The following PDCD7 variants were observed in gnomAD, a reference collection of about 807,000 sequenced individuals.
The protein encoded by PDCD7 is programmed cell death 7, also known as programmed cell death protein 7.
A neutral mutation model predicts 42.1 loss-of-function variants in PDCD7; 40 were observed. That is an observed-to-expected ratio of 0.95 (90% confidence interval 0.74 to 1.24). PDCD7 has a LOEUF of 1.24. PDCD7 is among the 50% of genes most tolerant of loss of function. The pLI is 0.00. For synonymous variants in PDCD7, 299 were observed against 303.3 expected, an observed-to-expected ratio of 0.99 and a Z score of 0.15; for missense variants, 644 against 662.8, an observed-to-expected ratio of 0.97 and a Z score of 0.31.
intron 1 of PDCD7, among the ~76,000 whole-genome samples, chr15:65,130,210 G>A (rs2087528685): frequency 6.8e-6 from 1 of 147,520 alleles, no homozygotes; most frequent in Admixed American, 6.8e-5. Context: ...CAGGCTGGAG[G>A]GCAATGGCGC....
intron 4 of PDCD7, 188 bp downstream of exon 4, chr15:65,119,188 A>G: frequency 3.7e-6 from 2 of 536,302 alleles, no homozygotes. Flanking sequence ...TCAAGGACTA[A>G]TGAGGACTAA....
chr15:65,125,008 C>T (rs2087484724), intron 2 of PDCD7, among the ~76,000 whole-genome samples: 1 of 152,174 alleles, frequency 6.6e-6, no homozygotes, highest in Non-Finnish European at 1.5e-5. Flanking sequence ...TAAATCAAAC[C>T]TTCACTGCTC....
At position 65,126,739 on chromosome 15, in the gene PDCD7, G is replaced by A. The variant is rs1263104501; in HGVS notation, c.1009+2293C>T. 3.4e-5 allele frequency among the ~76,000 whole-genome samples: 5 copies of A among 147,028 alleles called. No homozygotes were observed. The Admixed American group carries it at 3.4e-4, about 10-fold the overall frequency. ...ACTGCACTTCGGCTTGGGCGACAGT[G>A]CAAGACCCTGTCTTTTAAAAAAAAA... On this transcript the variant is annotated intron_variant, in intron 2 of 4. Coordinates refer to ENST00000204549, the MANE Select transcript of PDCD7 (RefSeq NM_005707.2).
chr15:65,118,961 T>G, intron 4 of PDCD7, 121 bp from the exon 5 acceptor site: 1 of 645,916 alleles, frequency 1.5e-6, no homozygotes, highest in Non-Finnish European at 2.4e-6. Flanking sequence ...ATTACAGAAC[T>G]TGATTTCTAG....
chr15:65,130,279 C>A (rs2087529592), intron 1 of PDCD7, among the ~76,000 whole-genome samples: 1 of 150,814 alleles, frequency 6.6e-6, no homozygotes, highest in South Asian at 2.1e-4. Context: ...GCTTCAGCCT[C>A]CCAATTAGCT....
At chr15:65,120,037 G>T in intron 2 of PDCD7, 83 bp from the exon 3 acceptor site, 1 of 1,437,542 alleles carries the variant, frequency 7.0e-7, no homozygotes. Context: ...CTGGAGTACA[G>T]TGGTGTGATC....
chr15:65,122,351 T>A (rs985349573), intron 2 of PDCD7, among the ~76,000 whole-genome samples: 19 of 148,536 alleles, frequency 1.3e-4, no homozygotes, highest in Middle Eastern at 3.4e-3. Context: ...AAAATAAATT[T>A]AAAAAAAAAG....
intron 2 of PDCD7, among the ~76,000 whole-genome samples, chr15:65,128,134 C>T (rs901190018): frequency 6.6e-6 from 1 of 152,188 alleles, no homozygotes; most frequent in Non-Finnish European, 1.5e-5. Context: ...TTTTAAACAA[C>T]ACATGGGAAA....
At position 65,129,095 on chromosome 15, in the gene PDCD7, C is replaced by T; in HGVS notation, c.946G>A (p.Val316Met). ...TTCTCCAAAGCCCGTAGAATGTCCACCATTCTTTTGGTATCTGCTTGTTTT... is the reference window on the plus strand; with the variant it reads ...TTCTCCAAAGCCCGTAGAATGTCCATCATTCTTTTGGTATCTGCTTGTTTT... The part of the protein sequence containing the change: ...RKKQADTKRM[V>M]DILRALEKLR... The change falls in exon 2 of 5, where the codon GTG becomes ATG. Residue 316 changes from valine (V) to methionine (M), a missense_variant. Physicochemically the swap from Val to Met is conservative, Grantham distance 21. Transcript: ENST00000204549. The T allele has an allele frequency of 6.2e-7, 1 of 1,613,872 alleles. No homozygotes were observed. The highest frequency in any genetic ancestry group is 8.5e-7 in the Non-Finnish European group (1 of 1,179,720).
chr15:65,128,805 T>G (rs1415606437), intron 2 of PDCD7, among the ~76,000 whole-genome samples: 1 of 152,174 alleles, frequency 6.6e-6, no homozygotes, highest in Admixed American at 6.5e-5. Flanking sequence ...GACAGTGCAG[T>G]GGGTTCCCAC....
chr15:65,121,180 C>G lies in PDCD7; in HGVS notation c.1010-1226G>C, dbSNP rs1421928295. ...TCAAGCGATTCTCCTGACTCAGCCT[C>G]CTGAGTAGCTGGGATTACAGGCATG... On this transcript the variant is annotated intron_variant, in intron 2 of 4. Coordinates refer to ENST00000204549, the MANE Select transcript of PDCD7 (RefSeq NM_005707.2). Among the ~76,000 whole-genome samples the G allele has an allele frequency of 2.0e-5, 3 of 151,884 alleles. No homozygotes were observed. The East Asian group carries it at 5.8e-4, about 29-fold the overall frequency.
Position 65,119,737 on chromosome 15 carries a change from G to A in PDCD7, c.1227C>T (p.Ser409=), listed in dbSNP as rs768372602. The change falls in exon 3 of 5, where the codon TCC becomes TCT. Residue 409 remains serine (S), a synonymous_variant. Coordinates refer to ENST00000204549, the MANE Select transcript of PDCD7 (RefSeq NM_005707.2). ...ACATACCTGGATCCCCAAACAACTTGGACTCAATTTCACGTTTCTGAAGTA... is the reference window on the plus strand; with the variant it reads ...ACATACCTGGATCCCCAAACAACTTAGACTCAATTTCACGTTTCTGAAGTA... The part of the protein sequence containing the change: ...KILLQKREIE[S]KLFGDPDEFP... 5 of 1,611,200 alleles carry A rather than the reference G, an allele frequency of 3.1e-6. No individual in the cohort carries two copies. The African/African-American group carries it at 6.7e-5, about 22-fold the overall frequency.
intron 2 of PDCD7, among the ~76,000 whole-genome samples, chr15:65,126,065 C>T (rs950030427): frequency 3.3e-5 from 5 of 149,534 alleles, no homozygotes; most frequent in African/African-American, 1.0e-4. Flanking sequence ...CAAGTCCCTC[C>T]GACGACATGT....
intron 2 of PDCD7, among the ~76,000 whole-genome samples, chr15:65,128,372 T>C (rs1021407948): frequency 6.6e-6 from 1 of 152,148 alleles, no homozygotes; most frequent in African/African-American, 2.4e-5. Context: ...CTGAGGGCCC[T>C]CCAGATGAAC....
chr15:65,119,675 A>G, intron 3 of PDCD7, 43 bp downstream of exon 3: 1 of 1,573,820 alleles, frequency 6.4e-7, no homozygotes, highest in Non-Finnish European at 8.6e-7. Flanking sequence ...AAGAGCGTCA[A>G]TCTAGTATTT....
At chr15:65,119,157 A>G (rs2087431045) in intron 4 of PDCD7, 4 of 494,476 alleles carry the variant, frequency 8.1e-6, no homozygotes, top group Non-Finnish European at 1.4e-5. Context: ...CTTCACCTAT[A>G]AAAATAGGGA....
At chr15:65,130,687 T>G (rs1317374263) in intron 1 of PDCD7, among the ~76,000 whole-genome samples, 1 of 152,040 alleles carries the variant, frequency 6.6e-6, no homozygotes, top group Admixed American at 6.6e-5. Context: ...CCTTTAAGAC[T>G]CAGCTTATAG....
intron 2 of PDCD7, among the ~76,000 whole-genome samples, chr15:65,126,583 A>C (rs1218208729): frequency 1.3e-5 from 2 of 151,958 alleles, no homozygotes; most frequent in East Asian, 3.9e-4. Flanking sequence ...GCGAAACTCT[A>C]TCTCTACAAA....
chr15:65,124,029 C>T (rs2087476812), intron 2 of PDCD7, among the ~76,000 whole-genome samples: 1 of 152,110 alleles, frequency 6.6e-6, no homozygotes, highest in Admixed American at 6.5e-5. Flanking sequence ...CTAAAGACCC[C>T]ATGAAGAGAT....
Sources: allele counts gnomAD v4.1 joint callset (sites outside exome capture counted in the v4.1 genomes callset), GRCh38; gene constraint gnomAD v4.1.1; transcripts MANE v1.5; gene names NCBI Gene and HGNC (gene_info 2026-07-23, HGNC 2026-07-21).